SHC2: variants seen among roughly 807,000 people sequenced by gnomAD.
SHC2 encodes SHC adaptor protein 2, also known as SHC-transforming protein 2.
SHC2 carries 62 observed loss-of-function variants against 60.6 expected under a neutral mutation model. That is an observed-to-expected ratio of 1.02 (90% CI 0.83 to 1.26). The LOEUF is 1.26. Ranked by LOEUF, SHC2 falls within the 50% of genes most tolerant of loss-of-function variation. The pLI is 0.00. For missense variants in SHC2, 873 were observed against 822.2 expected (o/e 1.06, Z -0.76); for synonymous variants, 375 against 372.4 (o/e 1.01, Z -0.08).
Position 438,838 on chromosome 19 carries a change from C to T in SHC2, c.601-1G>A, listed in dbSNP as rs1240613369. 1 of 1,565,368 alleles carries T rather than the reference C, an allele frequency of 6.4e-7. No homozygotes were observed. Among genetic ancestry groups the T allele is most frequent in the Non-Finnish European group, 8.6e-7 (1 of 1,156,088 alleles). The stretch of plus-strand genomic sequence containing the variant: ...CGGACGCCAGGGCCTTGTTGGGGGC[C>T]TGAGTTGGGGGCGGAGCACAGCGAG... On this transcript the variant is annotated splice_acceptor_variant, in intron 3 of 12. Transcript: ENST00000264554. LOFTEE classifies it high-confidence loss of function. The surrounding 1 kb of genome is among the most constrained non-coding windows in gnomAD (Gnocchi z 5.0).
rs879606903 is a variant in SHC2, at chr19:425,382, C to T, written c.1175-151G>A. Reference sequence around the variant, plus strand: ...CTGCTCTGGTCTCCCTGTGGTAACCCGCCCGTCTGCAGGTGCCACAGGGAG... The same window carrying T: ...CTGCTCTGGTCTCCCTGTGGTAACCTGCCCGTCTGCAGGTGCCACAGGGAG... On this transcript the variant is annotated intron_variant, in intron 9 of 12. Transcript: ENST00000264554. This position sits in a 1 kb window ranked among gnomAD's most constrained non-coding sequence, Gnocchi z 4.1. 2.0e-5 allele frequency among the ~76,000 whole-genome samples: 3 copies of T among 152,190 alleles called. No individual in the cohort carries two copies. The highest frequency in any genetic ancestry group is 6.5e-5 in the Admixed American group (1 of 15,286).
intron 1 of SHC2, among the ~76,000 whole-genome samples, chr19:448,377 T>C (rs1308020810): frequency 6.6e-6 from 1 of 152,178 alleles, no homozygotes; most frequent in African/African-American, 2.4e-5. Flanking sequence ...TTCCAGCTTC[T>C]GGGGGCTCCC....
intron 1 of SHC2, among the ~76,000 whole-genome samples, chr19:448,575 C>T (rs774925811): frequency 2.9e-4 from 44 of 152,182 alleles, no homozygotes; most frequent in Admixed American, 4.6e-4. Context: ...CAAATAAGGA[C>T]GTGAGTTTTG....
Position 446,947 on chromosome 19 carries a change from C to A in SHC2, c.469-6015G>T, listed in dbSNP as rs878864870. On this transcript the variant is annotated intron_variant, in intron 1 of 12. Transcript: ENST00000264554. This position sits in a 1 kb window ranked among gnomAD's most constrained non-coding sequence, Gnocchi z 5.4. The stretch of plus-strand genomic sequence containing the variant: ...CTCCGCCACCGCCCACGCCAGCCAC[C>A]GGGACCCACCTCATAGGCTTTGCCA... 6.6e-6 allele frequency among the ~76,000 whole-genome samples: 1 copy of A among 152,336 alleles called. No individual in the cohort carries two copies. The highest frequency in any genetic ancestry group is 2.1e-4 in the South Asian group (1 of 4,826).
At chr19:454,752 G>C (rs567076540) in intron 1 of SHC2, among the ~76,000 whole-genome samples, 1 of 151,896 alleles carries the variant, frequency 6.6e-6, no homozygotes, top group Non-Finnish European at 1.5e-5. Flanking sequence ...ATCGCGCCAC[G>C]GCACTCCAGC....
At chr19:459,314 C>T (rs1223240639) in intron 1 of SHC2, among the ~76,000 whole-genome samples, 1 of 146,674 alleles carries the variant, frequency 6.8e-6, no homozygotes, top group Non-Finnish European at 1.5e-5. Context: ...GGGGGAAGGA[C>T]CCCACTGAAC....
rs748457138 is a variant in SHC2, at chr19:460,640, G to A, written c.357C>T (p.Ala119=). 1.0e-4 allele frequency: 129 copies of A among 1,289,300 alleles called. No homozygotes were observed. In the East Asian group the frequency reaches 3.1e-3, roughly 31 times the overall value. 79.9% of individuals were successfully genotyped at this position (1,289,300 alleles called of 1,614,324 possible). A position where few individuals can be genotyped will look rare whatever the true frequency, so the allele number is the denominator to read the frequency against. The part of the protein sequence containing the change: ...GGRGAAGSGD[A]AAAAEWIRKG... The stretch of plus-strand genomic sequence containing the variant: ...TCCGGATCCACTCGGCGGCGGCGGC[G>A]GCGTCCCCGGACCCCGCCGCCCCCC... Residue 119 remains alanine (A), a synonymous_variant, in exon 1 of 13, where the codon GCC becomes GCT. Coordinates refer to ENST00000264554, the MANE Select transcript of SHC2 (RefSeq NM_012435.3).
intron 8 of SHC2, among the ~76,000 whole-genome samples, chr19:431,163 C>T (rs1444211943): frequency 6.6e-6 from 1 of 152,266 alleles, no homozygotes; most frequent in Non-Finnish European, 1.5e-5. Flanking sequence ...GTGGACTTAC[C>T]AAGGCCCTGA....
In SHC2 at chr19:440,238, T is replaced by C. The variant is rs1974831230; in HGVS notation, c.539+624A>G. Among the ~76,000 whole-genome samples, 1 of 150,334 alleles carries C rather than the reference T, an allele frequency of 6.7e-6. No individual in the cohort carries two copies. Among genetic ancestry groups the C allele is most frequent in the Admixed American group, 6.6e-5 (1 of 15,102 alleles). ...GGGAGGGGACGGGGAGTGGCTGTGATGGGGACGGGGTGTTTTGATGGGGTA... is the reference window on the plus strand; with the variant it reads ...GGGAGGGGACGGGGAGTGGCTGTGACGGGGACGGGGTGTTTTGATGGGGTA... On this transcript the variant is annotated intron_variant, in intron 2 of 12. Transcript: ENST00000264554. This position sits in a 1 kb window ranked among gnomAD's most constrained non-coding sequence, Gnocchi z 7.0.
intron 9 of SHC2, among the ~76,000 whole-genome samples, chr19:427,784 G>A (rs1463040792): frequency 1.9e-5 from 2 of 106,162 alleles, no homozygotes; most frequent in African/African-American, 7.8e-5. Flanking sequence ...ACAGGTAAGG[G>A]GACAGGGGAC....
At position 424,604 on chromosome 19, in the gene SHC2, C is replaced by T. The variant is rs1159978628; in HGVS notation, c.1309+493G>A. Among the ~76,000 whole-genome samples, 1 of 152,152 alleles carries T rather than the reference C, an allele frequency of 6.6e-6. No homozygotes were observed. The highest frequency in any genetic ancestry group is 2.4e-5 in the African/African-American group (1 of 41,430). ...CCTGTTGACTGGAGGGCCTCACAGA[C>T]GGGGCCGCAGCCTCCCACCACACTG... On this transcript the variant is annotated intron_variant, in intron 10 of 12. Coordinates refer to ENST00000264554, the MANE Select transcript of SHC2 (RefSeq NM_012435.3). The surrounding 1 kb of genome is among the most constrained non-coding windows in gnomAD (Gnocchi z 4.5).
intron 1 of SHC2, among the ~76,000 whole-genome samples, chr19:443,790 ATGGG>A (rs1323511304): frequency 9.6e-5 from 13 of 135,542 alleles, no homozygotes; most frequent in African/African-American, 2.2e-4. Flanking sequence ...GGATGGATGG[ATGGG>A]TGGGTGGATG....
chr19:444,983 C>A (rs1293798124), intron 1 of SHC2, among the ~76,000 whole-genome samples: 9 of 152,236 alleles, frequency 5.9e-5, no homozygotes, highest in Admixed American at 5.2e-4. Context: ...TGAACCCACA[C>A]CCCTGGGCTC....
At position 425,056 on chromosome 19, in the gene SHC2, G is replaced by A. The variant is rs199626966; in HGVS notation, c.1309+41C>T. ...TTGTGCCTCCCCCATCAGACAACAC[G>A]GCCACACGCGATGACGGCCGCCCCC... On this transcript the variant is annotated intron_variant, in intron 10 of 12. Transcript: ENST00000264554. This position sits in a 1 kb window ranked among gnomAD's most constrained non-coding sequence, Gnocchi z 4.1. 6.9e-5 allele frequency: 93 copies of A among 1,349,118 alleles called. No homozygotes were observed. Among genetic ancestry groups the A allele is most frequent in the Non-Finnish European group, 8.5e-5 (89 of 1,041,244 alleles). The allele number at this position is 1,349,118 out of a possible 1,614,324, so 83.6% of individuals were successfully genotyped here. A position where few individuals can be genotyped will look rare whatever the true frequency, so the allele number is the denominator to read the frequency against.
intron 11 of SHC2, 168 bp from the exon 12 acceptor site, chr19:419,224 C>T (rs1974217662): frequency 6.6e-6 from 5 of 760,726 alleles, no homozygotes; most frequent in Non-Finnish European, 9.9e-6. Flanking sequence ...CTCAGAATTC[C>T]AGAACCACCC....
At chr19:421,842 C>T (rs13345211) in intron 11 of SHC2, among the ~76,000 whole-genome samples, 26,488 of 152,098 alleles carry the variant, frequency 0.17, 2,420 homozygotes, top group South Asian at 0.28. Context: ...CCCAGGAGTT[C>T]GAGGCTGCAG....
At chr19:458,917 G>A (rs570508939) in intron 1 of SHC2, among the ~76,000 whole-genome samples, 1 of 152,034 alleles carries the variant, frequency 6.6e-6, no homozygotes, top group South Asian at 2.1e-4. Context: ...GGGACCACAC[G>A]TGGGGGAGTG....
intron 1 of SHC2, among the ~76,000 whole-genome samples, chr19:452,771 G>A (rs1244068230): frequency 6.6e-6 from 1 of 152,240 alleles, no homozygotes; most frequent in African/African-American, 2.4e-5. Context: ...AGACCTGAGT[G>A]TGACTCAGAA....
At position 446,847 on chromosome 19, in the gene SHC2, C is replaced by T. The variant is rs1040958678; in HGVS notation, c.469-5915G>A. On this transcript the variant is annotated intron_variant, in intron 1 of 12. Transcript: ENST00000264554. This position sits in a 1 kb window ranked among gnomAD's most constrained non-coding sequence, Gnocchi z 5.4. Reference sequence around the variant, plus strand: ...AGGGGATGGCACCTGGCCGGCCTCACGCACGCAGCAGGCCAGGGCAGATAC... The same window carrying T: ...AGGGGATGGCACCTGGCCGGCCTCATGCACGCAGCAGGCCAGGGCAGATAC... Among the ~76,000 whole-genome samples the T allele has an allele frequency of 2.6e-5, 4 of 152,166 alleles. No homozygotes were observed. The highest frequency in any genetic ancestry group is 2.0e-4 in the Admixed American group (3 of 15,278).
Sources: allele counts gnomAD v4.1 joint callset (sites outside exome capture counted in the v4.1 genomes callset), GRCh38; gene constraint gnomAD v4.1.1; non-coding constraint Gnocchi (gnomAD v3.1); transcripts MANE v1.5; gene names NCBI Gene and HGNC (gene_info 2026-07-23, HGNC 2026-07-21).